The following ERBB4 variants were observed in gnomAD, a reference collection of about 807,000 sequenced individuals.
ERBB4 encodes receptor tyrosine-protein kinase erbB-4.
A neutral mutation model predicts 158.0 loss-of-function variants in ERBB4; 42 were observed. That is an observed-to-expected ratio of 0.27 (90% CI 0.21 to 0.34). The LOEUF (loss-of-function observed/expected upper bound fraction) is 0.34, where lower values mean the gene tolerates loss of function less well. Among genes scored for constraint, ERBB4 ranks in the 10% least tolerant of loss-of-function variants. The pLI, the probability that ERBB4 is intolerant of heterozygous loss-of-function variation, is 1.00. For synonymous variants in ERBB4, 583 were observed against 558.7 expected, an observed-to-expected ratio of 1.04 and a Z score of -0.61; for missense variants, 1,333 against 1,624.1, an observed-to-expected ratio of 0.82 and a Z score of 3.08.
At chr2:212,186,329 TTC>T (rs2082016485) in intron 1 of ERBB4, among the ~76,000 whole-genome samples, 1 of 152,218 alleles carries the variant, frequency 6.6e-6, no homozygotes, top group African/African-American at 2.4e-5. Context: ...GGTTTAAGTG[TTC>T]TGTGTGATTT....
At chr2:212,178,655 T>A (rs939768626) in intron 1 of ERBB4, among the ~76,000 whole-genome samples, 4 of 151,722 alleles carry the variant, frequency 2.6e-5, no homozygotes, top group Admixed American at 6.6e-5. Context: ...AGTAAGACTT[T>A]AACATCCTAG....
chr2:212,036,811 C>A (rs896326733), intron 2 of ERBB4, among the ~76,000 whole-genome samples: 3 of 151,922 alleles, frequency 2.0e-5, no homozygotes, highest in African/African-American at 7.3e-5. Flanking sequence ...AGTTTAGATT[C>A]TATTAAAAAA....
At chr2:211,644,395 G>T (rs937295819) in intron 16 of ERBB4, among the ~76,000 whole-genome samples, 1 of 151,676 alleles carries the variant, frequency 6.6e-6, no homozygotes, top group Non-Finnish European at 1.5e-5. Flanking sequence ...TTGCCTAGGC[G>T]ATGTTATGAT....
intron 1 of ERBB4, among the ~76,000 whole-genome samples, chr2:212,446,591 G>GTATCTATA (rs1303302858): frequency 3.6e-5 from 1 of 27,518 alleles, no homozygotes; most frequent in Admixed American, 5.9e-4. Context: ...ATATATATAT[G>GTATCTATA]TATATATATA....
At chr2:211,781,757 T>C (rs1023729819) in intron 4 of ERBB4, among the ~76,000 whole-genome samples, 4 of 152,132 alleles carry the variant, frequency 2.6e-5, no homozygotes, top group Non-Finnish European at 5.9e-5. Context: ...TTGCTCGTAA[T>C]AGCCCTATGA....
At chr2:211,722,098 G>C (rs955754514) in intron 7 of ERBB4, among the ~76,000 whole-genome samples, 2 of 152,088 alleles carry the variant, frequency 1.3e-5, no homozygotes, top group Non-Finnish European at 2.9e-5. Context: ...CCTGACCTCA[G>C]GTGCCACCCA....
At chr2:212,336,889 T>C (rs1005597472) in intron 1 of ERBB4, among the ~76,000 whole-genome samples, 1 of 152,022 alleles carries the variant, frequency 6.6e-6, no homozygotes, top group Admixed American at 6.6e-5. Flanking sequence ...TAATAAAATA[T>C]AGATTTTGAT....
intron 20 of ERBB4, among the ~76,000 whole-genome samples, chr2:211,516,983 T>A (rs548121497): frequency 1.3e-5 from 2 of 152,296 alleles, no homozygotes; most frequent in African/African-American, 4.8e-5. Context: ...ATTTTCTCAC[T>A]GAGCTTCTAA....
At chr2:211,939,125 T>C (rs2125116445) in intron 3 of ERBB4, among the ~76,000 whole-genome samples, 1 of 152,334 alleles carries the variant, frequency 6.6e-6, no homozygotes. Context: ...AAATTCTTTC[T>C]AAAATACAGC....
chr2:211,921,153 A>G (rs2079848809), intron 3 of ERBB4, among the ~76,000 whole-genome samples: 1 of 152,062 alleles, frequency 6.6e-6, no homozygotes, highest in South Asian at 2.1e-4. Context: ...ACTTCTTACT[A>G]CAAATTACTA....
chr2:211,703,998 T>A, intron 11 of ERBB4, 106 bp downstream of exon 11: 1 of 782,816 alleles, frequency 1.3e-6, no homozygotes, highest in Non-Finnish European at 2.3e-6. Flanking sequence ...GAAGCATGAT[T>A]TCCCCAGAAT....
intron 2 of ERBB4, among the ~76,000 whole-genome samples, chr2:212,069,504 C>A (rs1037577158): frequency 6.6e-6 from 1 of 151,966 alleles, no homozygotes; most frequent in African/African-American, 2.4e-5. Context: ...CGATCAGGAA[C>A]AAGGCAAATA....
chr2:212,278,710 G>C (rs1361341548), intron 1 of ERBB4, among the ~76,000 whole-genome samples: 1 of 151,516 alleles, frequency 6.6e-6, no homozygotes, highest in Non-Finnish European at 1.5e-5. Flanking sequence ...TTGGTAGCTA[G>C]TATTTTAGAA....
chr2:212,109,885 G>C (rs557450790), intron 2 of ERBB4, among the ~76,000 whole-genome samples: 1 of 152,182 alleles, frequency 6.6e-6, no homozygotes, highest in Non-Finnish European at 1.5e-5. Context: ...TGAAGATGCA[G>C]AGGGTATGAA....
At chr2:211,405,177 G>C (rs764277431) in intron 25 of ERBB4, among the ~76,000 whole-genome samples, 1 of 152,080 alleles carries the variant, frequency 6.6e-6, no homozygotes, top group Admixed American at 6.6e-5. Flanking sequence ...AGTACAGGAA[G>C]TCAGACCTCA....
chr2:211,860,384 A>T (rs2077981146), intron 3 of ERBB4, among the ~76,000 whole-genome samples: 1 of 152,178 alleles, frequency 6.6e-6, no homozygotes, highest in South Asian at 2.1e-4. Context: ...TTGTTTTAGC[A>T]AGCACCAAGG....
In ERBB4 at chr2:211,673,234, C is replaced by A. The variant is rs772962110; in HGVS notation, c.1646G>T (p.Gly549Val). The A allele has an allele frequency of 6.2e-7, 1 of 1,613,548 alleles. No homozygotes were observed. The highest frequency in any genetic ancestry group is 2.2e-5 in the East Asian group (1 of 44,878). Residue 549 changes from glycine (G) to valine (V), a missense_variant, in exon 14 of 28, where the codon GGC (glycine) becomes GTC (valine). Physicochemically the swap from Gly to Val is moderately radical, Grantham distance 109 (BLOSUM62 -3). Coordinates refer to ENST00000342788, the MANE Select transcript of ERBB4 (RefSeq NM_005235.3). ...YDGEFREFEN[G>V]SICVECDPQC... The stretch of plus-strand genomic sequence containing the variant: ...GGGGTCACACTCCACACAGATGGAG[C>A]CATTCTCAAACTCCCGAAATTCACT...
chr2:211,875,041 A>AAAAAAAAAAAAAAC (rs1559600562), intron 3 of ERBB4, among the ~76,000 whole-genome samples: 1 of 140,728 alleles, frequency 7.1e-6, no homozygotes, highest in Non-Finnish European at 1.5e-5. Context: ...AAAAAAAAAA[A>AAAAAAAAAAAAAAC]AAAAAAAAAC....
rs751916960 is a variant in ERBB4, at chr2:211,665,352, G to A, written c.1842C>T (p.Cys614=). ...GGGTGCAGTTTGGATGGCATGGGTGGCACTCCCGATCTGGATCAGCATACT... is the reference window on the plus strand; with the variant it reads ...GGGTGCAGTTTGGATGGCATGGGTGACACTCCCGATCTGGATCAGCATACT... ...IFKYADPDRE[C]HPCHPNCTQG... Residue 614 remains cysteine, a synonymous_variant, in exon 15 of 28, where the codon TGC becomes TGT. Transcript: ENST00000342788. 89 of 1,614,016 alleles carry A rather than the reference G, an allele frequency of 5.5e-5. No individual in the cohort carries two copies. The highest frequency in any genetic ancestry group is 1.7e-5 in the Admixed American group (1 of 59,994).
Sources: allele counts gnomAD v4.1 joint callset (sites outside exome capture counted in the v4.1 genomes callset), GRCh38; gene constraint gnomAD v4.1.1; transcripts MANE v1.5; gene names NCBI Gene and HGNC (gene_info 2026-07-23, HGNC 2026-07-21).